Variants in NCOA2 observed in about 807,000 individuals in gnomAD.
NCOA2 encodes class E basic helix-loop-helix protein 75.
NCOA2 carries 21 observed loss-of-function variants against 145.1 expected under a neutral mutation model. That is an observed-to-expected ratio of 0.14 (90% CI 0.10 to 0.21). NCOA2 has a LOEUF of 0.21. NCOA2 is among the 10% of genes least tolerant of loss of function. The pLI, the probability that NCOA2 is intolerant of heterozygous loss-of-function variation, is 1.00. For synonymous variants in NCOA2, 619 were observed against 637.5 expected (o/e 0.97, Z 0.44); for missense variants, 1,472 against 1,837.6 (o/e 0.80, Z 3.64).
chr8:70,156,852 T>C lies in NCOA2; in HGVS notation c.1513A>G (p.Ser505Gly). The change falls in exon 11 of 23, where the codon AGT becomes GGT. Residue 505 changes from serine to glycine, a missense_variant. Physicochemically the swap from Ser to Gly is moderately conservative, Grantham distance 56. Around this residue, in one of 4 missense-constraint regions of NCOA2, gnomAD observed 953 missense variants for 1,062.1 expected, o/e 0.90. Transcript: ENST00000452400. ...GVAGSPRIPP[S>G]QFSPAGSLHS... Reference sequence around the variant, plus strand: ...AAGCTTCCTGCAGGGGAAAACTGACTGGGTGGGATTCGAGGGCTGCCAGCC... The same window carrying C: ...AAGCTTCCTGCAGGGGAAAACTGACCGGGTGGGATTCGAGGGCTGCCAGCC... The C allele has an allele frequency of 6.2e-7, 1 of 1,613,954 alleles. No homozygotes were observed. Among genetic ancestry groups the C allele is most frequent in the Non-Finnish European group, 8.5e-7 (1 of 1,179,860 alleles).
At chr8:70,450,573 C>CTTTTTTTTTTTTTTTTTTTTTTTTTTT in the NCOA2 span, among the ~76,000 whole-genome samples, 1 of 94,652 alleles carries the variant, frequency 1.1e-5, no homozygotes, top group Non-Finnish European at 1.9e-5. Flanking sequence ...TCTTTTTATT[C>CTTTTTTTTTTTTTTTTTTTTTTTTTTT]TTTTTTTTTT....
intron 1 of NCOA2, among the ~76,000 whole-genome samples, chr8:70,345,505 G>T (rs1342298238): frequency 6.6e-6 from 1 of 152,164 alleles, no homozygotes; most frequent in Admixed American, 6.5e-5. Context: ...TACATATAAT[G>T]CTTGGACCCA....
At chr8:70,271,831 C>T (rs1825071793) in intron 2 of NCOA2, among the ~76,000 whole-genome samples, 1 of 152,202 alleles carries the variant, frequency 6.6e-6, no homozygotes, top group Non-Finnish European at 1.5e-5. Context: ...GCAAACACAA[C>T]CTTCTACACA....
At chr8:70,357,035 C>T (rs1183438227) in intron 1 of NCOA2, among the ~76,000 whole-genome samples, 1 of 152,124 alleles carries the variant, frequency 6.6e-6, no homozygotes, top group East Asian at 1.9e-4. Context: ...ATCTTTGTTT[C>T]CTCCACTACC....
intron 2 of NCOA2, among the ~76,000 whole-genome samples, chr8:70,232,494 C>T (rs1453486537): frequency 6.6e-6 from 1 of 152,116 alleles, no homozygotes; most frequent in African/African-American, 2.4e-5. Context: ...TCAGTAAATA[C>T]CCGTTCAATT....
intron 2 of NCOA2, among the ~76,000 whole-genome samples, chr8:70,251,610 G>A (rs1823189208): frequency 6.6e-6 from 1 of 152,220 alleles, no homozygotes; most frequent in African/African-American, 2.4e-5. Context: ...CAGAGTTAAT[G>A]AGAACCCTAA....
At chr8:70,301,907 A>G (rs1377837742) in intron 1 of NCOA2, among the ~76,000 whole-genome samples, 1 of 152,092 alleles carries the variant, frequency 6.6e-6, no homozygotes, top group Non-Finnish European at 1.5e-5. Context: ...CTAAGGAAGA[A>G]CTGCTCAAAT....
At position 70,157,177 on chromosome 8, in the gene NCOA2, A is replaced by C; in HGVS notation, c.1188T>G (p.Asn396Lys). The C allele has an allele frequency of 6.3e-7, 1 of 1,599,384 alleles. No individual in the cohort carries two copies. The highest frequency in any genetic ancestry group is 1.7e-4 in the Middle Eastern group (1 of 5,982). ...LTGQTMGKPL[N>K]PISSNSPAHQ... ...GGGCAGGGCTGTTAGAGCTAATTGG[A>C]TTCAGTGGCTTCCCCATCGTTTGTC... Residue 396 changes from asparagine (N) to lysine (K), a missense_variant, in exon 11 of 23, where the codon AAT (asparagine) becomes AAG (lysine). Asn to Lys is a moderately conservative substitution (Grantham distance 94, BLOSUM62 0). Coordinates refer to ENST00000452400, the MANE Select transcript of NCOA2 (RefSeq NM_006540.4).
At chr8:70,311,929 A>G (rs2136017491) in intron 1 of NCOA2, among the ~76,000 whole-genome samples, 1 of 152,366 alleles carries the variant, frequency 6.6e-6, no homozygotes, top group African/African-American at 2.4e-5. Flanking sequence ...ATCTTGCACT[A>G]AACACTTTAC....
At chr8:70,240,634 C>T (rs1586218937) in intron 2 of NCOA2, among the ~76,000 whole-genome samples, 1 of 152,206 alleles carries the variant, frequency 6.6e-6, no homozygotes, top group Non-Finnish European at 1.5e-5. Flanking sequence ...GAATGTTAGA[C>T]AAGCTTTGTT....
intron 4 of NCOA2, among the ~76,000 whole-genome samples, chr8:70,180,543 C>A (rs115356138): frequency 6.6e-6 from 1 of 152,162 alleles, no homozygotes; most frequent in African/African-American, 2.4e-5. Flanking sequence ...AATTATTATT[C>A]GTGCTTTCTC....
intron 1 of NCOA2, among the ~76,000 whole-genome samples, chr8:70,374,924 C>T (rs1187916055): frequency 6.6e-6 from 1 of 151,180 alleles, no homozygotes; most frequent in Non-Finnish European, 1.5e-5. Flanking sequence ...CCAATGTTTC[C>T]TTAATAAACA....
chr8:70,423,359 T>C, the NCOA2 span, among the ~76,000 whole-genome samples: 5 of 152,120 alleles, frequency 3.3e-5, no homozygotes, highest in Non-Finnish European at 7.4e-5. Flanking sequence ...AATTTTGTAT[T>C]TTTAGTAAAG....
chr8:70,447,682 C>CTTTTTTTTTTTTTTTTTTTTT, the NCOA2 span, among the ~76,000 whole-genome samples: 2 of 113,092 alleles, frequency 1.8e-5, no homozygotes, highest in African/African-American at 7.4e-5. Flanking sequence ...TCTTTGTTTT[C>CTTTTTTTTTTTTTTTTTTTTT]TTTTTTTTTT....
chr8:70,268,932 A>G (rs921903884), intron 2 of NCOA2, among the ~76,000 whole-genome samples: 20 of 152,178 alleles, frequency 1.3e-4, no homozygotes, highest in Non-Finnish European at 5.9e-5. Context: ...TTGTCTCCGC[A>G]GCTAGTCTGT....
chr8:70,141,105 T>C (rs1391876680), intron 14 of NCOA2, 79 bp downstream of exon 14: 7 of 1,371,090 alleles, frequency 5.1e-6, no homozygotes, highest in East Asian at 2.5e-5. Context: ...ATAAGAAGCA[T>C]GTCTTGAAAG....
chr8:70,145,323 A>G (rs1226412593), intron 12 of NCOA2, among the ~76,000 whole-genome samples: 2 of 10,658 alleles, frequency 1.9e-4, no homozygotes, highest in Non-Finnish European at 3.0e-4. Flanking sequence ...ATGCCCGGCT[A>G]ATTTTTTCTT....
At chr8:70,199,121 G>A (rs1055919762) in intron 4 of NCOA2, among the ~76,000 whole-genome samples, 1 of 152,118 alleles carries the variant, frequency 6.6e-6, no homozygotes, top group African/African-American at 2.4e-5. Context: ...AGGAAAAAAA[G>A]CCAGTGAGTG....
At chr8:70,123,258 CTT>C (rs1348106009) in intron 21 of NCOA2, among the ~76,000 whole-genome samples, 1 of 152,230 alleles carries the variant, frequency 6.6e-6, no homozygotes, top group East Asian at 1.9e-4. Context: ...GTGTCGGTCT[CTT>C]TGCATAAATG....
Sources: allele counts gnomAD v4.1 joint callset (sites outside exome capture counted in the v4.1 genomes callset), GRCh38; gene constraint gnomAD v4.1.1; regional missense constraint gnomAD v4.1.1; transcripts MANE v1.5; gene names NCBI Gene and HGNC (gene_info 2026-07-23, HGNC 2026-07-21).